Variants in LMTK2 observed in about 807,000 individuals in gnomAD.
The protein encoded by LMTK2 is serine/threonine-protein kinase LMTK2.
LMTK2 carries 37 observed loss-of-function variants against 127.5 expected under a neutral mutation model. That is an observed-to-expected ratio of 0.29 (90% CI 0.22 to 0.38). The LOEUF is 0.38. LMTK2 is among the 10% of genes least tolerant of loss of function. The pLI is 1.00. For missense variants in LMTK2, 1,694 were observed against 1,920.3 expected, an observed-to-expected ratio of 0.88 and a Z score of 2.20; for synonymous variants, 819 against 810.1, an observed-to-expected ratio of 1.01 and a Z score of -0.19.
chr7:98,108,125 T>C (rs1272555107), intron 1 of LMTK2, among the ~76,000 whole-genome samples: 4 of 152,200 alleles, frequency 2.6e-5, no homozygotes, highest in Admixed American at 2.6e-4. Context: ...CATACATTCA[T>C]AGAATGTTAG....
At chr7:98,164,794 C>T (rs912685658) in intron 6 of LMTK2, among the ~76,000 whole-genome samples, 3 of 151,944 alleles carry the variant, frequency 2.0e-5, no homozygotes, top group Non-Finnish European at 2.9e-5. Flanking sequence ...GGCTGCCAGC[C>T]GGGAGAGAAA....
intron 1 of LMTK2, among the ~76,000 whole-genome samples, chr7:98,131,413 C>A (rs1213604544): frequency 6.6e-6 from 1 of 152,074 alleles, no homozygotes; most frequent in Non-Finnish European, 1.5e-5. Context: ...GGCTTTTCTC[C>A]CCAAGTGTTT....
intron 13 of LMTK2, 115 bp downstream of exon 13, chr7:98,204,301 A>G: frequency 7.4e-7 from 1 of 1,356,878 alleles, no homozygotes; most frequent in Non-Finnish European, 1.0e-6. Context: ...ACATTTGCTG[A>G]GTAGATTACA....
At chr7:98,175,749 A>G (rs1291892051) in intron 7 of LMTK2, among the ~76,000 whole-genome samples, 3 of 152,232 alleles carry the variant, frequency 2.0e-5, no homozygotes, top group African/African-American at 7.2e-5. Flanking sequence ...CTTCAAGGGA[A>G]AGGAACCAGT....
intron 1 of LMTK2, among the ~76,000 whole-genome samples, chr7:98,129,355 A>AGTTTTGTTTTGTTTTGTTTT (rs10611952): frequency 5.4e-5 from 8 of 148,814 alleles, no homozygotes; most frequent in African/African-American, 7.5e-5. Context: ...AAGTTTATTC[A>AGTTTTGTTTTGTTTTGTTTT]GTTTTGTTTT....
chr7:98,140,145 TTCTTTTCTTTTCTTTTCTTTTC>T (rs1176681304), intron 2 of LMTK2, among the ~76,000 whole-genome samples: 245 of 6,174 alleles, frequency 0.04, 50 homozygotes, highest in African/African-American at 0.11. Context: ...TTTCTTTCTT[TTCTTTTCTTTTCTTTTCTTTTC>T]TTTTCTTTCT....
Position 98,205,738 on chromosome 7 carries a change from C to T in LMTK2, c.*246C>T, listed in dbSNP as rs1052876500. The T allele has an allele frequency of 1.7e-5, 10 of 575,072 alleles. No individual in the cohort carries two copies. Among genetic ancestry groups the T allele is most frequent in the African/African-American group, 3.8e-5 (2 of 53,206 alleles). The allele number at this position is 575,072 out of a possible 1,614,324, so 35.6% of individuals were successfully genotyped here. On this transcript the variant is annotated 3_prime_UTR_variant, in exon 14 of 14. Coordinates refer to ENST00000297293, the MANE Select transcript of LMTK2 (RefSeq NM_014916.4). ...GTGCCCCGTGCACCCGCGGCCGCGG[C>T]CTCCCAGGCAGTGCTCATGCGCTGG...
intron 6 of LMTK2, among the ~76,000 whole-genome samples, chr7:98,160,563 A>G (rs989847516): frequency 2.6e-5 from 4 of 152,184 alleles, no homozygotes; most frequent in African/African-American, 7.2e-5. Context: ...CTGGAAAAGA[A>G]AAAAAGAGAA....
intron 1 of LMTK2, among the ~76,000 whole-genome samples, chr7:98,120,444 A>T (rs1324746670): frequency 1.3e-5 from 2 of 152,218 alleles, no homozygotes; most frequent in African/African-American, 4.8e-5. Flanking sequence ...AGAAGTTTGC[A>T]ATCATTTTGC....
chr7:98,196,958 G>A (rs908689646), intron 11 of LMTK2, among the ~76,000 whole-genome samples: 10 of 152,212 alleles, frequency 6.6e-5, no homozygotes, highest in African/African-American at 9.6e-5. Flanking sequence ...GCCACCAAGC[G>A]TTCAGGCCGA....
chr7:98,166,246 A>G (rs1177564272), intron 6 of LMTK2, among the ~76,000 whole-genome samples: 1 of 152,174 alleles, frequency 6.6e-6, no homozygotes, highest in Non-Finnish European at 1.5e-5. Context: ...TGCTGCAGTG[A>G]CAGGTCATCG....
intron 7 of LMTK2, among the ~76,000 whole-genome samples, chr7:98,177,952 G>A (rs571527716): frequency 2.6e-5 from 4 of 152,278 alleles, no homozygotes; most frequent in African/African-American, 7.2e-5. Context: ...GAGTCCCTTC[G>A]GAAGCTTAAG....
chr7:98,162,666 C>T (rs568926732), intron 6 of LMTK2, among the ~76,000 whole-genome samples: 1 of 152,280 alleles, frequency 6.6e-6, no homozygotes, highest in Admixed American at 6.5e-5. Context: ...ATTTAAGCGT[C>T]CCACCTAATG....
At chr7:98,133,273 A>G (rs539730758) in intron 1 of LMTK2, among the ~76,000 whole-genome samples, 112 of 152,296 alleles carry the variant, frequency 7.4e-4, no homozygotes, top group Middle Eastern at 3.4e-3. Flanking sequence ...TGCCCTTCTC[A>G]GTGCTGTAGG....
chr7:98,199,775 G>A (rs1225400840), intron 11 of LMTK2, among the ~76,000 whole-genome samples: 1 of 152,226 alleles, frequency 6.6e-6, no homozygotes, highest in Non-Finnish European at 1.5e-5. Context: ...GATTACAGGC[G>A]TGAGCCACCG....
rs1797860305 is a variant in LMTK2 at position 98,209,548 on chromosome 7, T to A, written c.*4056T>A. The A allele has an allele frequency of 6.6e-6, 1 of 152,244 alleles. No individual in the cohort carries two copies. The highest frequency in any genetic ancestry group is 1.5e-5 in the Non-Finnish European group (1 of 68,042). 9.4% of individuals were successfully genotyped at this position (152,244 alleles called of 1,614,324 possible). A position where few individuals can be genotyped will look rare whatever the true frequency, so the allele number is the denominator to read the frequency against. ...TTTAAATTGTAAGATTTTTACTGTA[T>A]ATTGATGCATAGTGTGATTCAATAA... On this transcript the variant is annotated 3_prime_UTR_variant, in exon 14 of 14. Coordinates refer to ENST00000297293, the MANE Select transcript of LMTK2 (RefSeq NM_014916.4).
At chr7:98,181,803 C>T (rs1350707698) in intron 7 of LMTK2, among the ~76,000 whole-genome samples, 4 of 151,976 alleles carry the variant, frequency 2.6e-5, no homozygotes, top group Non-Finnish European at 4.4e-5. Flanking sequence ...GAATTACAGG[C>T]ACCCACCATC....
intron 6 of LMTK2, among the ~76,000 whole-genome samples, chr7:98,163,507 C>T (rs557861416): frequency 6.6e-6 from 1 of 152,280 alleles, no homozygotes; most frequent in African/African-American, 2.4e-5. Context: ...TGGGCAATTT[C>T]GTACATATCA....
chr7:98,134,863 C>T (rs1469509345), intron 1 of LMTK2, among the ~76,000 whole-genome samples: 1 of 152,170 alleles, frequency 6.6e-6, no homozygotes, highest in African/African-American at 2.4e-5. Flanking sequence ...TTCTTGTTCT[C>T]ATTGAAAGTT....
Sources: allele counts gnomAD v4.1 joint callset (sites outside exome capture counted in the v4.1 genomes callset), GRCh38; gene constraint gnomAD v4.1.1; transcripts MANE v1.5; gene names NCBI Gene and HGNC (gene_info 2026-07-23, HGNC 2026-07-21).